The following PTPRG variants were observed in gnomAD, a reference collection of about 807,000 sequenced individuals.
PTPRG encodes receptor-type tyrosine-protein phosphatase gamma.
In PTPRG, 102 loss-of-function variants were observed where a neutral mutation model predicts 165.3. The ratio of observed to expected loss-of-function variants is 0.62; its 90% CI spans 0.53 to 0.73. The LOEUF (loss-of-function observed/expected upper bound fraction) is 0.73, where lower values mean the gene tolerates loss of function less well. Ranked by LOEUF, PTPRG falls within the 30% of genes least tolerant of loss-of-function variation. The probability of loss-of-function intolerance (pLI) is 0.00; values close to 1 mark genes in which losing one functional copy is unlikely to be tolerated. For missense variants in PTPRG, 1,866 were observed against 1,861.4 expected, an observed-to-expected ratio of 1.00 and a Z score of -0.05; for synonymous variants, 675 against 669.5, an observed-to-expected ratio of 1.01 and a Z score of -0.13.
chr3:61,961,839 A>T (rs886748380), intron 2 of PTPRG, among the ~76,000 whole-genome samples: 2 of 152,176 alleles, frequency 1.3e-5, no homozygotes, highest in African/African-American at 4.8e-5. Flanking sequence ...TTTAAATGAG[A>T]AACTCTGGGG....
intron 2 of PTPRG, among the ~76,000 whole-genome samples, chr3:61,897,122 A>T (rs1010993814): frequency 8.6e-5 from 13 of 151,956 alleles, no homozygotes; most frequent in African/African-American, 2.9e-4. Flanking sequence ...CCTTTTATAG[A>T]TCATGCTCTT....
chr3:61,980,677 G>A (rs1654704449), intron 2 of PTPRG, among the ~76,000 whole-genome samples: 1 of 152,162 alleles, frequency 6.6e-6, no homozygotes, highest in African/African-American at 2.4e-5. Flanking sequence ...ATAGCACAAA[G>A]CCTACTCAGA....
In PTPRG at chr3:62,294,508, A is replaced by AGAT; in HGVS notation, c.*1203_*1205dup. The AGAT allele has an allele frequency of 6.6e-6, 1 of 152,238 alleles. No individual in the cohort carries two copies. Among genetic ancestry groups the AGAT allele is most frequent in the East Asian group, 1.9e-4 (1 of 5,182 alleles). 9.4% of individuals were successfully genotyped at this position (152,238 alleles called of 1,614,324 possible). Reference sequence around the variant, plus strand: ...ACATTTTCAAGTTTTTAAAAGAGGGAGATGGCTTTGTATGCTTTTGTGTAG... The same window carrying AGAT: ...ACATTTTCAAGTTTTTAAAAGAGGGAGATGATGGCTTTGTATGCTTTTGTGTAG... On this transcript the variant is annotated 3_prime_UTR_variant, in exon 30 of 30. Coordinates refer to ENST00000474889, the MANE Select transcript of PTPRG (RefSeq NM_002841.4).
intron 25 of PTPRG, among the ~76,000 whole-genome samples, 196 bp from the exon 26 acceptor site, chr3:62,277,355 T>C (rs1364915832): frequency 1.3e-5 from 2 of 152,184 alleles, no homozygotes; most frequent in Admixed American, 6.6e-5. Context: ...AGAAGTGAAC[T>C]GCACATGGAG....
chr3:61,924,033 A>C (rs1294743314), intron 2 of PTPRG, among the ~76,000 whole-genome samples: 1 of 152,212 alleles, frequency 6.6e-6, no homozygotes, highest in African/African-American at 2.4e-5. Context: ...ATTAGTTCTT[A>C]TGCTATAGAA....
intron 5 of PTPRG, among the ~76,000 whole-genome samples, chr3:62,079,675 C>G (rs6809406): frequency 0.28 from 43,010 of 152,086 alleles, 6,730 homozygotes; most frequent in African/African-American, 0.43. Context: ...TCTTTTTCCT[C>G]ATTACTTTTC....
intron 4 of PTPRG, among the ~76,000 whole-genome samples, chr3:62,022,132 C>T (rs751186218): frequency 3.9e-5 from 6 of 152,222 alleles, no homozygotes; most frequent in Middle Eastern, 3.4e-3. Flanking sequence ...GTGACTATTC[C>T]GCCAGAATCC....
chr3:61,746,561 T>C (rs997364287), intron 1 of PTPRG, among the ~76,000 whole-genome samples: 1 of 152,152 alleles, frequency 6.6e-6, no homozygotes, highest in Admixed American at 6.5e-5. Context: ...AGGTCCTCTG[T>C]TAATCCCTTA....
chr3:61,734,653 G>A (rs1317906549), intron 1 of PTPRG, among the ~76,000 whole-genome samples: 1 of 152,076 alleles, frequency 6.6e-6, no homozygotes, highest in Non-Finnish European at 1.5e-5. Flanking sequence ...ATTTAATTTT[G>A]CCTGATAGGG....
At chr3:61,698,058 T>C (rs1324006166) in intron 1 of PTPRG, among the ~76,000 whole-genome samples, 1 of 152,180 alleles carries the variant, frequency 6.6e-6, no homozygotes, top group East Asian at 1.9e-4. Flanking sequence ...GGCATAAAAA[T>C]ACATAAGGTT....
rs139409478 is a variant in PTPRG at position 61,785,402 on chromosome 3, C to G, written c.190+36420C>G. On this transcript the variant is annotated intron_variant, in intron 2 of 29. Coordinates refer to ENST00000474889, the MANE Select transcript of PTPRG (RefSeq NM_002841.4). The stretch of plus-strand genomic sequence containing the variant: ...AGAGATATATTTATATAATTAGCAT[C>G]ACCAATTAAGAATGAATTGACTTTA... Among the ~76,000 whole-genome samples the G allele has an allele frequency of 1.7e-4, 26 of 152,246 alleles. No homozygotes were observed. The East Asian group carries it at 4.2e-3, about 25-fold the overall frequency.
chr3:61,671,616 G>T (rs1237890039), intron 1 of PTPRG, among the ~76,000 whole-genome samples: 1 of 147,134 alleles, frequency 6.8e-6, no homozygotes, highest in African/African-American at 2.5e-5. Context: ...CCACAAAACC[G>T]CCATTGTCAT....
At chr3:61,848,763 C>A (rs2036876169) in intron 2 of PTPRG, among the ~76,000 whole-genome samples, 1 of 152,200 alleles carries the variant, frequency 6.6e-6, no homozygotes, top group South Asian at 2.1e-4. Flanking sequence ...GACACACCCA[C>A]ACACATGTAT....
At chr3:61,732,494 A>G (rs920750759) in intron 1 of PTPRG, among the ~76,000 whole-genome samples, 2 of 151,518 alleles carry the variant, frequency 1.3e-5, no homozygotes, top group South Asian at 2.1e-4. Flanking sequence ...GGGGAATGGC[A>G]TGAACCCGGG....
At chr3:61,806,459 G>T (rs636636) in intron 2 of PTPRG, among the ~76,000 whole-genome samples, 64,637 of 151,998 alleles carry the variant, frequency 0.43, 15,688 homozygotes, top group East Asian at 0.65. Context: ...ATGCCCTGTC[G>T]GGTCTGTGGC....
chr3:62,252,675 T>C lies in PTPRG; in HGVS notation c.2468-2449T>C, dbSNP rs1701449486. ...ATTGATTTTATAATCATCTGGCTCATGTTGAGAGAATGTAATAGAAAAATT... is the reference window on the plus strand; with the variant it reads ...ATTGATTTTATAATCATCTGGCTCACGTTGAGAGAATGTAATAGAAAAATT... On this transcript the variant is annotated intron_variant, in intron 15 of 29. Coordinates refer to ENST00000474889, the MANE Select transcript of PTPRG (RefSeq NM_002841.4). The surrounding 1 kb of genome is among the most constrained non-coding windows in gnomAD (Gnocchi z 4.6). 6.6e-6 allele frequency among the ~76,000 whole-genome samples: 1 copy of C among 152,216 alleles called. No individual in the cohort carries two copies. The highest frequency in any genetic ancestry group is 1.5e-5 in the Non-Finnish European group (1 of 68,046).
intron 8 of PTPRG, among the ~76,000 whole-genome samples, chr3:62,184,256 C>G (rs1452314421): frequency 6.6e-6 from 1 of 152,178 alleles, no homozygotes; most frequent in East Asian, 1.9e-4. Flanking sequence ...TGGAAATGCA[C>G]ATTACACTGG....
chr3:62,066,745 A>C (rs570394227), intron 4 of PTPRG, among the ~76,000 whole-genome samples: 1 of 152,300 alleles, frequency 6.6e-6, no homozygotes, highest in South Asian at 2.1e-4. Context: ...TGTATGGACA[A>C]AAGTGCTCTC....
In PTPRG at chr3:62,293,180, A is replaced by T. The variant is rs771184154; in HGVS notation, c.4211A>T (p.Tyr1404Phe). ...FTDIEQYQFI[Y>F]KAMLSLVSTK... ...TTTCAGGAACAATACCAGTTCATCT[A>T]TAAAGCAATGCTTAGCTTGGTCAGC... Residue 1404 changes from tyrosine to phenylalanine, a missense_variant, in exon 30 of 30, where the codon TAT becomes TTT. This residue lies in a region of PTPRG where 1,452 missense variants were observed against 1,463.0 expected (regional missense o/e 0.99). Coordinates refer to ENST00000474889, the MANE Select transcript of PTPRG (RefSeq NM_002841.4). The T allele has an allele frequency of 6.3e-7, 1 of 1,599,360 alleles. No homozygotes were observed. Among genetic ancestry groups the T allele is most frequent in the South Asian group, 1.1e-5 (1 of 87,658 alleles).
Sources: allele counts gnomAD v4.1 joint callset (sites outside exome capture counted in the v4.1 genomes callset), GRCh38; gene constraint gnomAD v4.1.1; regional missense constraint gnomAD v4.1.1; non-coding constraint Gnocchi (gnomAD v3.1); transcripts MANE v1.5; gene names NCBI Gene and HGNC (gene_info 2026-07-23, HGNC 2026-07-21).